Variants in TSNARE1 observed in about 807,000 individuals in gnomAD.
TSNARE1 encodes the protein t-SNARE domain-containing protein 1.
A neutral mutation model predicts 62.0 loss-of-function variants in TSNARE1; 49 were observed. That is an observed-to-expected ratio of 0.79 (90% CI 0.63 to 1.00). The LOEUF is 1.00. Among genes scored for constraint, TSNARE1 ranks in the 50% least tolerant of loss-of-function variants. The probability of loss-of-function intolerance (pLI) is 0.00; values close to 1 mark genes in which losing one functional copy is unlikely to be tolerated. For synonymous variants in TSNARE1, 328 were observed against 294.4 expected (o/e 1.11, Z -1.17); for missense variants, 755 against 700.1 (o/e 1.08, Z -0.88).
intron 9 of TSNARE1, among the ~76,000 whole-genome samples, chr8:142,311,289 A>ATTTTTTTTTTTTTTTT (rs1827542114): frequency 2.9e-5 from 2 of 68,810 alleles, no homozygotes; most frequent in East Asian, 4.4e-4. Context: ...CAGCCTCTCT[A>ATTTTTTTTTTTTTTTT]GTTTTTTTTT....
At chr8:142,272,286 A>C (rs1586923013) in intron 12 of TSNARE1, among the ~76,000 whole-genome samples, 1 of 140,798 alleles carries the variant, frequency 7.1e-6, no homozygotes, top group African/African-American at 2.7e-5. Context: ...CCACCTAGCC[A>C]CCCGCCCATC....
chr8:142,390,096 T>A (rs1230682090), intron 1 of TSNARE1, among the ~76,000 whole-genome samples: 1 of 152,232 alleles, frequency 6.6e-6, no homozygotes, highest in Non-Finnish European at 1.5e-5. Flanking sequence ...AATACAGTTT[T>A]AAGGATTTTT....
intron 1 of TSNARE1, among the ~76,000 whole-genome samples, chr8:142,391,635 C>T (rs757846984): frequency 1.3e-5 from 2 of 152,366 alleles, no homozygotes; most frequent in South Asian, 2.1e-4. Flanking sequence ...CATCCAGACG[C>T]GGGTGCTCAC....
intron 13 of TSNARE1, among the ~76,000 whole-genome samples, chr8:142,220,033 G>A (rs894927095): frequency 6.6e-6 from 1 of 152,208 alleles, no homozygotes; most frequent in Non-Finnish European, 1.5e-5. Flanking sequence ...AGGGCCATGT[G>A]GGAGCCCCAG....
chr8:142,328,139 A>AT (rs1347231648), intron 6 of TSNARE1, among the ~76,000 whole-genome samples: 61 of 151,600 alleles, frequency 4.0e-4, no homozygotes, highest in African/African-American at 1.5e-3. Context: ...AGAATATATC[A>AT]TAGGTGTTAG....
At chr8:142,374,448 G>A (rs1333298725) in intron 1 of TSNARE1, among the ~76,000 whole-genome samples, 1 of 151,774 alleles carries the variant, frequency 6.6e-6, no homozygotes, top group African/African-American at 2.4e-5. Context: ...GGAGGCCGAG[G>A]TAGGCGGATC....
At chr8:142,269,950 C>G (rs1419362289) in intron 12 of TSNARE1, 1 of 985,352 alleles carries the variant, frequency 1.0e-6, no homozygotes, top group Non-Finnish European at 1.2e-6. Flanking sequence ...TCTCCCTGCT[C>G]TCAGGGATGC....
At chr8:142,402,971 C>T (rs1838414827) in intron 1 of TSNARE1, 133 bp downstream of exon 1, 1 of 150,224 alleles carries the variant, frequency 6.7e-6, no homozygotes, top group Non-Finnish European at 1.5e-5. Flanking sequence ...CGCCCGGCCT[C>T]CCGCAAGCCC....
At chr8:142,271,307 C>T (rs927609112) in intron 12 of TSNARE1, 2 of 1,109,922 alleles carry the variant, frequency 1.8e-6, no homozygotes, top group East Asian at 4.9e-5. Flanking sequence ...CAGACGCTGG[C>T]TCTGCTCGGC....
At chr8:142,377,905 C>T (rs935621757) in intron 1 of TSNARE1, among the ~76,000 whole-genome samples, 5 of 152,346 alleles carry the variant, frequency 3.3e-5, no homozygotes, top group African/African-American at 1.2e-4. Flanking sequence ...CATCTCTAAC[C>T]AGGGTCTATA....
intron 1 of TSNARE1, among the ~76,000 whole-genome samples, chr8:142,392,344 G>A (rs1837592638): frequency 6.6e-6 from 1 of 152,082 alleles, no homozygotes; most frequent in Non-Finnish European, 1.5e-5. Context: ...ATAAGTAAAA[G>A]GAGTACACTC....
intron 9 of TSNARE1, among the ~76,000 whole-genome samples, chr8:142,310,449 T>C (rs1827387267): frequency 6.6e-6 from 1 of 151,330 alleles, no homozygotes; most frequent in South Asian, 2.1e-4. Flanking sequence ...ACTGTTTCCA[T>C]TGTCCCTTAC....
chr8:142,346,947 G>A (rs970288421), intron 2 of TSNARE1, among the ~76,000 whole-genome samples: 1 of 152,232 alleles, frequency 6.6e-6, no homozygotes, highest in Non-Finnish European at 1.5e-5. Context: ...CCCACGAGGT[G>A]GGCGAGGGCC....
At position 142,277,541 on chromosome 8, in the gene TSNARE1, C is replaced by T. The variant is rs967558480; in HGVS notation, c.1364-2678G>A. 4.1e-6 allele frequency: 4 copies of T among 985,332 alleles called. No homozygotes were observed. The African/African-American group carries it at 5.2e-5, about 13-fold the overall frequency. The allele number at this position is 985,332 out of a possible 1,614,324, so 61.0% of individuals were successfully genotyped here. A position where few individuals can be genotyped will look rare whatever the true frequency, so the allele number is the denominator to read the frequency against. On this transcript the variant is annotated intron_variant, in intron 11 of 13. Transcript: ENST00000524325. ...AACTGGGCCTGCAGCTGGGATGCCC[C>T]CACCCTGTCCTCAGGCTTGGCAGCC...
At chr8:142,227,442 C>T (rs1401094687) in intron 13 of TSNARE1, among the ~76,000 whole-genome samples, 2 of 150,280 alleles carry the variant, frequency 1.3e-5, no homozygotes, top group African/African-American at 4.9e-5. Flanking sequence ...CAGTGGCAGC[C>T]AGGACCTCCA....
At chr8:142,214,029 G>GC (rs1815706279) in intron 13 of TSNARE1, among the ~76,000 whole-genome samples, 1 of 152,218 alleles carries the variant, frequency 6.6e-6, no homozygotes, top group South Asian at 2.1e-4. Flanking sequence ...CACCTGTCCT[G>GC]CCCCCAAGGC....
intron 6 of TSNARE1, among the ~76,000 whole-genome samples, chr8:142,324,824 C>A (rs1028871755): frequency 6.6e-6 from 1 of 152,242 alleles, no homozygotes; most frequent in African/African-American, 2.4e-5. Context: ...GCTGCCCACT[C>A]CAGACTCGAG....
At chr8:142,318,197 AG>A (rs983706871) in intron 7 of TSNARE1, among the ~76,000 whole-genome samples, 4 of 152,176 alleles carry the variant, frequency 2.6e-5, no homozygotes, top group African/African-American at 9.7e-5. Flanking sequence ...GATGCACAGC[AG>A]GGGAGAGGAT....
intron 9 of TSNARE1, among the ~76,000 whole-genome samples, chr8:142,301,757 A>G (rs964414205): frequency 5.3e-5 from 8 of 151,188 alleles, no homozygotes; most frequent in African/African-American, 1.5e-4. Context: ...CGGCCTCACC[A>G]GGAGCACCTG....
Sources: gnomAD v4.1 joint callset for allele counts (sites outside exome capture counted in the v4.1 genomes callset) on GRCh38, gnomAD v4.1.1 for gene constraint, MANE v1.5 for transcripts, NCBI Gene and HGNC (gene_info 2026-07-23, HGNC 2026-07-21) for gene names.